Variants in SCFD2 observed in about 807,000 individuals in gnomAD.
The protein encoded by SCFD2 is sec1 family domain containing 2.
SCFD2 carries 54 observed loss-of-function variants against 58.9 expected under a neutral mutation model. The observed-to-expected ratio is 0.92, with a 90% CI of 0.74 to 1.15. The LOEUF (loss-of-function observed/expected upper bound fraction) is 1.15, where lower values mean the gene tolerates loss of function less well. Ranked by LOEUF, SCFD2 falls within the 50% of genes most tolerant of loss-of-function variation. The probability of loss-of-function intolerance (pLI) is 0.00; values close to 1 mark genes in which losing one functional copy is unlikely to be tolerated. For missense variants in SCFD2, 805 were observed against 836.6 expected (o/e 0.96, Z 0.47); for synonymous variants, 321 against 335.9 (o/e 0.96, Z 0.49).
At chr4:53,271,987 G>A (rs1731183649) in intron 4 of SCFD2, among the ~76,000 whole-genome samples, 1 of 152,040 alleles carries the variant, frequency 6.6e-6, no homozygotes, top group African/African-American at 2.4e-5. Flanking sequence ...AATCTACAAT[G>A]AACTCAAACA....
At chr4:52,972,773 C>A (rs1312884924) in intron 5 of SCFD2, among the ~76,000 whole-genome samples, 1 of 152,164 alleles carries the variant, frequency 6.6e-6, no homozygotes, top group African/African-American at 2.4e-5. Flanking sequence ...GGAAGTAGAA[C>A]ACTCCTCAGC....
intron 4 of SCFD2, among the ~76,000 whole-genome samples, chr4:53,232,229 G>C (rs1729461392): frequency 6.6e-6 from 1 of 151,956 alleles, no homozygotes; most frequent in African/African-American, 2.4e-5. Context: ...CTTACAAAAA[G>C]AAAAAAGGCT....
At chr4:53,063,864 G>A (rs1241451114) in intron 5 of SCFD2, among the ~76,000 whole-genome samples, 1 of 152,090 alleles carries the variant, frequency 6.6e-6, no homozygotes, top group Non-Finnish European at 1.5e-5. Flanking sequence ...CACTGGCAGA[G>A]TCTATGCTTA....
At chr4:53,028,994 T>G (rs1329826104) in intron 5 of SCFD2, among the ~76,000 whole-genome samples, 1 of 152,230 alleles carries the variant, frequency 6.6e-6, no homozygotes, top group Non-Finnish European at 1.5e-5. Flanking sequence ...CTTTGAAATC[T>G]TGCTGGTTGA....
At chr4:53,035,355 C>A (rs1722728824) in intron 5 of SCFD2, among the ~76,000 whole-genome samples, 1 of 152,136 alleles carries the variant, frequency 6.6e-6, no homozygotes. Context: ...AACATAAGAC[C>A]TAGGACCATA....
At chr4:53,037,733 TA>T (rs1384875032) in intron 5 of SCFD2, among the ~76,000 whole-genome samples, 1 of 152,206 alleles carries the variant, frequency 6.6e-6, no homozygotes, top group Non-Finnish European at 1.5e-5. Context: ...CCCCCAACCT[TA>T]ACTCTTTTTG....
intron 4 of SCFD2, among the ~76,000 whole-genome samples, chr4:53,200,285 G>A (rs1728189218): frequency 6.6e-6 from 1 of 152,004 alleles, no homozygotes; most frequent in South Asian, 2.1e-4. Context: ...AAGAAACAGA[G>A]TCATTGCAAT....
At chr4:53,345,134 A>G (rs563525917) in intron 2 of SCFD2, among the ~76,000 whole-genome samples, 2 of 152,348 alleles carry the variant, frequency 1.3e-5, no homozygotes, top group East Asian at 3.9e-4. Flanking sequence ...CTGCACAGCA[A>G]AAGAAACTAC....
At chr4:53,323,647 T>C (rs564045796) in intron 2 of SCFD2, among the ~76,000 whole-genome samples, 45 of 151,030 alleles carry the variant, frequency 3.0e-4, no homozygotes, top group Non-Finnish European at 4.9e-4. Context: ...CCCGAAATAC[T>C]GGGATAACAG....
At chr4:53,180,281 C>G (rs574727588) in intron 4 of SCFD2, among the ~76,000 whole-genome samples, 21 of 152,218 alleles carry the variant, frequency 1.4e-4, no homozygotes, top group East Asian at 5.8e-4. Context: ...AGTAAAAGAA[C>G]AGAAATTATA....
At chr4:53,215,501 C>T (rs1227375864) in intron 4 of SCFD2, among the ~76,000 whole-genome samples, 1 of 152,040 alleles carries the variant, frequency 6.6e-6, no homozygotes, top group African/African-American at 2.4e-5. Context: ...ATTTTGTATC[C>T]TGAGACTTTG....
chr4:53,334,902 G>T (rs1348071033), intron 2 of SCFD2, among the ~76,000 whole-genome samples: 2 of 151,986 alleles, frequency 1.3e-5, no homozygotes, highest in African/African-American at 4.8e-5. Flanking sequence ...CACCTGATGG[G>T]ATGCAATAAA....
At chr4:53,229,903 A>G (rs1211662123) in intron 4 of SCFD2, among the ~76,000 whole-genome samples, 1 of 152,146 alleles carries the variant, frequency 6.6e-6, no homozygotes, top group African/African-American at 2.4e-5. Flanking sequence ...AGAATCTACA[A>G]TGAACTCAAA....
chr4:53,358,248 TAA>T (rs929370439), intron 1 of SCFD2, among the ~76,000 whole-genome samples: 18 of 152,256 alleles, frequency 1.2e-4, no homozygotes, highest in African/African-American at 4.3e-4. Context: ...GATTTTAATT[TAA>T]AAGTTTGCAT....
At chr4:53,039,388 T>C (rs1367363652) in intron 5 of SCFD2, among the ~76,000 whole-genome samples, 1 of 152,224 alleles carries the variant, frequency 6.6e-6, no homozygotes, top group Admixed American at 6.6e-5. Context: ...GGTGACTTTC[T>C]TGCTCAAAAT....
chr4:53,324,420 CAAAAAAAAAA>C (rs34865805), intron 2 of SCFD2, among the ~76,000 whole-genome samples: 1 of 93,818 alleles, frequency 1.1e-5, no homozygotes, highest in Non-Finnish European at 2.0e-5. Flanking sequence ...CCTGTCTCTC[CAAAAAAAAAA>C]AAAAAAAAAA....
chr4:53,084,280 C>T (rs922790588), intron 5 of SCFD2, among the ~76,000 whole-genome samples: 6 of 152,072 alleles, frequency 3.9e-5, no homozygotes, highest in East Asian at 1.9e-4. Context: ...AAGAATTTAG[C>T]GATATCTTTC....
rs201480697 is a variant in SCFD2, at chr4:53,304,119, GA to G, written c.1135+9516del. The stretch of plus-strand genomic sequence containing the variant: ...AATAATAATAAAAAAAAAAAGAAAA[GA>G]AAATTCTTTTCTTTAAGTATGTTAA... On this transcript the variant is annotated intron_variant, in intron 3 of 8. Transcript: ENST00000401642. 8.6e-3 allele frequency among the ~76,000 whole-genome samples: 1,293 copies of G among 151,070 alleles called. 11 individuals carry two copies. Among genetic ancestry groups the G allele is most frequent in the African/African-American group, 0.03 (1,231 of 41,124 alleles).
At chr4:53,189,851 ACATCCTTAAGTG>A (rs1727843342) in intron 4 of SCFD2, among the ~76,000 whole-genome samples, 3 of 152,214 alleles carry the variant, frequency 2.0e-5, no homozygotes, top group Non-Finnish European at 4.4e-5. Context: ...AATATTGGCT[ACATCCTTAAGTG>A]TATATCACTG....
Sources: allele counts gnomAD v4.1 joint callset (sites outside exome capture counted in the v4.1 genomes callset), GRCh38; gene constraint gnomAD v4.1.1; transcripts MANE v1.5; gene names NCBI Gene and HGNC (gene_info 2026-07-23, HGNC 2026-07-21).